Variants in PCBP3 observed in about 807,000 individuals in gnomAD.
The protein encoded by PCBP3 is poly(rC) binding protein 3.
A neutral mutation model predicts 52.7 loss-of-function variants in PCBP3; 25 were observed. The ratio of observed to expected loss-of-function variants is 0.47; its 90% CI spans 0.35 to 0.66. PCBP3 has a LOEUF of 0.66. Among genes scored for constraint, PCBP3 ranks in the 30% least tolerant of loss-of-function variants. PCBP3 has a pLI of 0.01. For missense variants in PCBP3, 391 were observed against 490.3 expected, an observed-to-expected ratio of 0.80 and a Z score of 1.91; for synonymous variants, 162 against 183.0, an observed-to-expected ratio of 0.89 and a Z score of 0.93.
intron 9 of PCBP3, chr21:45,901,416 ACCCTTCC>A: frequency 3.0e-6 from 1 of 335,174 alleles, no homozygotes; most frequent in Non-Finnish European, 5.8e-6. Flanking sequence ...AGAACACCCC[ACCCTTCC>A]CCTGGGGCGT....
intron 4 of PCBP3, among the ~76,000 whole-genome samples, chr21:45,793,176 C>T (rs2091720682): frequency 3.3e-5 from 5 of 152,136 alleles, no homozygotes; most frequent in Admixed American, 2.6e-4. Context: ...GTCAGACACA[C>T]GGCTCCTTCA....
intron 6 of PCBP3, 138 bp from the exon 7 acceptor site, chr21:45,899,461 C>T (rs1002039400): frequency 9.1e-6 from 6 of 658,380 alleles, no homozygotes; most frequent in Non-Finnish European, 1.6e-5. Flanking sequence ...TCTGAATTCT[C>T]CCTTCTTCAT....
Position 45,902,457 on chromosome 21 carries a change from G to A in PCBP3, c.339+1344G>A, listed in dbSNP as rs377713413. Among the ~76,000 whole-genome samples the A allele has an allele frequency of 1.1e-4, 17 of 152,342 alleles. No individual in the cohort carries two copies. The East Asian group carries it at 1.7e-3, about 16-fold the overall frequency. On this transcript the variant is annotated intron_variant, in intron 9 of 17. Transcript: ENST00000681687. ...AAAGGCTAGAGAGCCAGGTCACGCCGCTTGGGGATGGTTTAGTTGCCTTTT... is the reference window on the plus strand; with the variant it reads ...AAAGGCTAGAGAGCCAGGTCACGCCACTTGGGGATGGTTTAGTTGCCTTTT...
At chr21:45,842,835 C>T (rs199548531) in intron 4 of PCBP3, among the ~76,000 whole-genome samples, 1 of 152,262 alleles carries the variant, frequency 6.6e-6, no homozygotes, top group East Asian at 1.9e-4. Context: ...CAGCTCAGCC[C>T]CTCTGACCGG....
chr21:45,839,939 G>A (rs983241268), intron 4 of PCBP3, among the ~76,000 whole-genome samples: 37 of 151,898 alleles, frequency 2.4e-4, no homozygotes, highest in South Asian at 6.3e-4. Context: ...CACCTGCCTC[G>A]GCCTCCCAAA....
chr21:45,777,970 C>CT (rs71318012), intron 4 of PCBP3, among the ~76,000 whole-genome samples: 25,867 of 130,660 alleles, frequency 0.2, 2,718 homozygotes, highest in Non-Finnish European at 0.25. Context: ...TGGGGAGGGC[C>CT]TTTTTTTTTT....
At chr21:45,926,016 C>G (rs1187458521) in intron 13 of PCBP3, among the ~76,000 whole-genome samples, 1 of 152,182 alleles carries the variant, frequency 6.6e-6, no homozygotes, top group Non-Finnish European at 1.5e-5. Context: ...TTTACAAAAC[C>G]TCATCACATA....
At position 45,737,806 on chromosome 21, in the gene PCBP3, G is replaced by A. The variant is rs1379343832; in HGVS notation, c.-162+2377G>A. The stretch of plus-strand genomic sequence containing the variant: ...GTTGGAACAGAAGGGCTCTCCTCTC[G>A]TGGGCTGTGTCGAGTGAGTCCTGCA... On this transcript the variant is annotated intron_variant, in intron 3 of 17. Coordinates refer to ENST00000681687, the MANE Select transcript of PCBP3 (RefSeq NM_001384156.1). The surrounding 1 kb of genome is among the most constrained non-coding windows in gnomAD (Gnocchi z 4.9). Among the ~76,000 whole-genome samples the A allele has an allele frequency of 6.6e-6, 1 of 152,238 alleles. No homozygotes were observed. Among genetic ancestry groups the A allele is most frequent in the Admixed American group, 6.5e-5 (1 of 15,290 alleles).
intron 4 of PCBP3, among the ~76,000 whole-genome samples, chr21:45,834,176 GC>G (rs1241413604): frequency 6.6e-6 from 1 of 152,102 alleles, no homozygotes; most frequent in Non-Finnish European, 1.5e-5. Context: ...GTTGTCAAGG[GC>G]CCAGACTCCA....
intron 4 of PCBP3, among the ~76,000 whole-genome samples, chr21:45,769,578 G>A (rs944047056): frequency 6.6e-6 from 1 of 152,246 alleles, no homozygotes; most frequent in East Asian, 1.9e-4. Flanking sequence ...CCCTACAGAG[G>A]AGAGAACTGG....
At chr21:45,716,328 G>A (rs1329217067) in intron 2 of PCBP3, among the ~76,000 whole-genome samples, 2 of 152,120 alleles carry the variant, frequency 1.3e-5, no homozygotes. Flanking sequence ...TATATGGGGA[G>A]GGAGAGAGAA....
intron 1 of PCBP3, among the ~76,000 whole-genome samples, chr21:45,667,955 G>A (rs1390765830): frequency 6.6e-6 from 1 of 152,144 alleles, no homozygotes; most frequent in Admixed American, 6.5e-5. Flanking sequence ...GAATAGTTTA[G>A]TGGTCAGCTA....
intron 5 of PCBP3, among the ~76,000 whole-genome samples, chr21:45,879,397 G>A (rs1017672664): frequency 6.6e-6 from 1 of 152,180 alleles, no homozygotes; most frequent in Admixed American, 6.5e-5. Context: ...AGGGCACAGC[G>A]TCAGCAAACA....
chr21:45,911,076 G>A (rs753901631), intron 11 of PCBP3, 46 bp downstream of exon 11: 1 of 1,597,824 alleles, frequency 6.3e-7, no homozygotes. Flanking sequence ...GCTGGATTTG[G>A]CCTCCCAGCA....
intron 5 of PCBP3, among the ~76,000 whole-genome samples, chr21:45,886,900 G>A (rs948339643): frequency 1.3e-4 from 20 of 152,226 alleles, no homozygotes; most frequent in African/African-American, 4.8e-4. Flanking sequence ...CCTGGTGAGG[G>A]CGGAGGTCTA....
intron 5 of PCBP3, among the ~76,000 whole-genome samples, chr21:45,862,454 C>T (rs1464472456): frequency 6.6e-6 from 1 of 152,132 alleles, no homozygotes; most frequent in Non-Finnish European, 1.5e-5. Flanking sequence ...TATAAAAACA[C>T]AGGCCTACTA....
At chr21:45,896,756 A>G (rs1461337518) in intron 6 of PCBP3, among the ~76,000 whole-genome samples, 24 of 143,264 alleles carry the variant, frequency 1.7e-4, no homozygotes, top group African/African-American at 6.4e-4. Context: ...AAAGGCAGAC[A>G]TGGCACATAG....
intron 11 of PCBP3, among the ~76,000 whole-genome samples, chr21:45,912,119 G>A (rs540670879): frequency 2.0e-5 from 3 of 152,198 alleles, no homozygotes; most frequent in Non-Finnish European, 2.9e-5. Context: ...CCTGCGTCCC[G>A]GTGCAGTGCC....
chr21:45,941,433 C>A (rs411390), intron 17 of PCBP3, among the ~76,000 whole-genome samples: 52,448 of 152,092 alleles, frequency 0.34, 9,605 homozygotes, highest in African/African-American at 0.4. Context: ...TGGGGAAGGC[C>A]TCAAGCCCCC....
Sources: allele counts gnomAD v4.1 joint callset (sites outside exome capture counted in the v4.1 genomes callset), GRCh38; gene constraint gnomAD v4.1.1; non-coding constraint Gnocchi (gnomAD v3.1); transcripts MANE v1.5; gene names NCBI Gene and HGNC (gene_info 2026-07-23, HGNC 2026-07-21).